Variants in TYR observed in about 807,000 individuals in gnomAD.
TYR encodes the protein tyrosinase.
In TYR, 58 loss-of-function variants were observed where a neutral mutation model predicts 51.5. The observed-to-expected ratio is 1.13, with a 90% CI of 0.91 to 1.40. The LOEUF (loss-of-function observed/expected upper bound fraction) is 1.40, where lower values mean the gene tolerates loss of function less well. Ranked by LOEUF, TYR falls within the 40% of genes most tolerant of loss-of-function variation. The pLI is 0.00. For synonymous variants in TYR, 263 were observed against 235.2 expected (o/e 1.12, Z -1.08); for missense variants, 732 against 647.4 (o/e 1.13, Z -1.42).
chr11:89,237,042 C>A (rs886659613), intron 3 of TYR, among the ~76,000 whole-genome samples: 3 of 152,092 alleles, frequency 2.0e-5, no homozygotes, highest in African/African-American at 7.2e-5. Flanking sequence ...GCTTTTATTC[C>A]AAAAGACCTA....
At chr11:89,209,804 T>G (rs868358703) in intron 2 of TYR, among the ~76,000 whole-genome samples, 1 of 152,068 alleles carries the variant, frequency 6.6e-6, no homozygotes, top group African/African-American at 2.4e-5. Flanking sequence ...CAGGCTCCAT[T>G]GGTGATACCC....
At chr11:89,223,687 AAAAC>A (rs1292281087) in intron 2 of TYR, among the ~76,000 whole-genome samples, 6 of 152,194 alleles carry the variant, frequency 3.9e-5, no homozygotes, top group African/African-American at 7.2e-5. Context: ...ATCGGAAATC[AAAAC>A]AAACAATTTG....
At chr11:89,233,521 C>T (rs1944075842) in intron 3 of TYR, among the ~76,000 whole-genome samples, 1 of 139,562 alleles carries the variant, frequency 7.2e-6, no homozygotes. Context: ...ATGCCCAGAT[C>T]CATCAGAGGA....
At chr11:89,198,436 G>A (rs1943553005) in intron 2 of TYR, among the ~76,000 whole-genome samples, 1 of 152,040 alleles carries the variant, frequency 6.6e-6, no homozygotes, top group Non-Finnish European at 1.5e-5. Context: ...AGAAGGTTTT[G>A]AAAGATGATT....
rs570059718 is a variant in TYR at position 89,204,207 on chromosome 11, G to C, written c.1036+12789G>C. On this transcript the variant is annotated intron_variant, in intron 2 of 4. Transcript: ENST00000263321. The stretch of plus-strand genomic sequence containing the variant: ...TGGTAATTAGGCCACCCAATCCATG[G>C]CATTAGGGGAAAGTAGTTGAGGAGC... 2.0e-3 allele frequency among the ~76,000 whole-genome samples: 300 copies of C among 152,266 alleles called. 2 individuals are homozygous for C. Among genetic ancestry groups the C allele is most frequent in the Non-Finnish European group, 5.1e-4 (35 of 68,016 alleles).
intron 2 of TYR, among the ~76,000 whole-genome samples, chr11:89,224,937 T>TC (rs1410639447): frequency 6.6e-6 from 1 of 151,966 alleles, no homozygotes; most frequent in African/African-American, 2.4e-5. Flanking sequence ...CTATTTTTTT[T>TC]TTTGCTGGAT....
intron 2 of TYR, among the ~76,000 whole-genome samples, chr11:89,223,709 A>G (rs904643426): frequency 3.3e-5 from 5 of 152,120 alleles, no homozygotes; most frequent in Non-Finnish European, 5.9e-5. Flanking sequence ...TTGATCTCTA[A>G]TTCTGAGGTG....
chr11:89,211,416 C>T (rs568721778), intron 2 of TYR, among the ~76,000 whole-genome samples: 68 of 152,218 alleles, frequency 4.5e-4, no homozygotes, highest in African/African-American at 1.5e-3. Context: ...CCTAAATATA[C>T]GTGCACCCAA....
intron 3 of TYR, among the ~76,000 whole-genome samples, chr11:89,249,732 T>C (rs904259413): frequency 6.6e-6 from 1 of 151,994 alleles, no homozygotes; most frequent in African/African-American, 2.4e-5. Flanking sequence ...AAGGAGGATT[T>C]GAGATTTCCT....
intron 1 of TYR, among the ~76,000 whole-genome samples, chr11:89,190,202 T>C (rs902525274): frequency 1.3e-5 from 2 of 152,134 alleles, no homozygotes; most frequent in African/African-American, 2.4e-5. Flanking sequence ...GTAAGTTAAC[T>C]GTAAAACAGC....
chr11:89,231,573 T>A lies in TYR; in HGVS notation c.1184+3603T>A, dbSNP rs1944050647. 1.4e-5 allele frequency among the ~76,000 whole-genome samples: 2 copies of A among 143,228 alleles called. 1 individual carries two copies. The highest frequency in any genetic ancestry group is 3.0e-5 in the Non-Finnish European group (2 of 66,664). 94.0% of individuals were successfully genotyped at this position (143,228 alleles called of 152,430 possible). Reference sequence around the variant, plus strand: ...CAGAAACTGCATGGTCTCACTTATTTGTGGAGTCAAAAGAAAATTTAAACT... The same window carrying A: ...CAGAAACTGCATGGTCTCACTTATTAGTGGAGTCAAAAGAAAATTTAAACT... On this transcript the variant is annotated intron_variant, in intron 3 of 4. Coordinates refer to ENST00000263321, the MANE Select transcript of TYR (RefSeq NM_000372.5).
At chr11:89,214,223 A>G (rs1445725488) in intron 2 of TYR, among the ~76,000 whole-genome samples, 1 of 152,240 alleles carries the variant, frequency 6.6e-6, no homozygotes, top group African/African-American at 2.4e-5. Flanking sequence ...TGGACAAAGG[A>G]TATGAACAGA....
In TYR at chr11:89,234,147, G is replaced by C. The variant is rs960728027; in HGVS notation, c.1184+6177G>C. ...GCTGCAGCTTTCCATTGCACTTGTTGCTTCACTTTGCAGTTTTATGTTATG... is the reference window on the plus strand; with the variant it reads ...GCTGCAGCTTTCCATTGCACTTGTTCCTTCACTTTGCAGTTTTATGTTATG... On this transcript the variant is annotated intron_variant, in intron 3 of 4. Transcript: ENST00000263321. Among the ~76,000 whole-genome samples the C allele has an allele frequency of 1.4e-5, 2 of 143,486 alleles. 1 individual carries two copies. Among genetic ancestry groups the C allele is most frequent in the Non-Finnish European group, 3.0e-5 (2 of 66,698 alleles). 94.1% of individuals were successfully genotyped at this position (143,486 alleles called of 152,430 possible).
At chr11:89,205,106 T>C (rs1363351212) in intron 2 of TYR, among the ~76,000 whole-genome samples, 2 of 151,710 alleles carry the variant, frequency 1.3e-5, no homozygotes, top group East Asian at 1.9e-4. Flanking sequence ...AACTAAAAAA[T>C]ACAGTTACCA....
intron 2 of TYR, 64 bp downstream of exon 2, chr11:89,191,482 A>T: frequency 6.7e-7 from 1 of 1,486,906 alleles, no homozygotes; most frequent in Non-Finnish European, 9.4e-7. Context: ...TCTTATCCAA[A>T]GTCCTAGGAG....
At chr11:89,273,724 C>T (rs1944617990) in intron 3 of TYR, among the ~76,000 whole-genome samples, 1 of 151,888 alleles carries the variant, frequency 6.6e-6, no homozygotes, top group Non-Finnish European at 1.5e-5. Context: ...ACCTGTTCCA[C>T]AGACTGGGTA....
At chr11:89,218,664 A>G (rs1038344797) in intron 2 of TYR, among the ~76,000 whole-genome samples, 3 of 152,142 alleles carry the variant, frequency 2.0e-5, no homozygotes, top group African/African-American at 7.2e-5. Flanking sequence ...CATCACTACA[A>G]TCCTACTTTT....
intron 1 of TYR, among the ~76,000 whole-genome samples, chr11:89,187,522 G>A (rs1311339674): frequency 6.6e-6 from 1 of 152,138 alleles, no homozygotes; most frequent in Non-Finnish European, 1.5e-5. Context: ...AGATGACAGG[G>A]GAAGATGACT....
At chr11:89,278,316 T>C (rs1331826103) in intron 3 of TYR, among the ~76,000 whole-genome samples, 1 of 151,722 alleles carries the variant, frequency 6.6e-6, no homozygotes, top group African/African-American at 2.4e-5. Context: ...GGTTGATTTC[T>C]GAAATTGCTA....
Sources: allele counts gnomAD v4.1 joint callset (sites outside exome capture counted in the v4.1 genomes callset), GRCh38; gene constraint gnomAD v4.1.1; transcripts MANE v1.5; gene names NCBI Gene and HGNC (gene_info 2026-07-23, HGNC 2026-07-21).